Variants in EBF2 observed in about 807,000 individuals in gnomAD.
EBF2 encodes the protein transcription factor COE2.
Under a neutral mutation model 72.8 loss-of-function variants are expected in EBF2, and 21 were observed. The ratio of observed to expected loss-of-function variants is 0.29; its 90% CI spans 0.20 to 0.42. The LOEUF (loss-of-function observed/expected upper bound fraction) is 0.42, where lower values mean the gene tolerates loss of function less well. Among genes scored for constraint, EBF2 ranks in the 10% least tolerant of loss-of-function variants. The probability of loss-of-function intolerance (pLI) is 1.00; values close to 1 mark genes in which losing one functional copy is unlikely to be tolerated. For synonymous variants in EBF2, 299 were observed against 274.2 expected (o/e 1.09, Z -0.89); for missense variants, 637 against 731.2 (o/e 0.87, Z 1.49).
At chr8:25,915,685 G>A (rs917501588) in intron 6 of EBF2, among the ~76,000 whole-genome samples, 1 of 151,918 alleles carries the variant, frequency 6.6e-6, no homozygotes, top group Non-Finnish European at 1.5e-5. Context: ...CGATGGGAGG[G>A]AAAAAGCTGA....
At chr8:25,885,865 C>G (rs746464226) in intron 10 of EBF2, among the ~76,000 whole-genome samples, 6 of 152,158 alleles carry the variant, frequency 3.9e-5, no homozygotes, top group Non-Finnish European at 7.3e-5. Flanking sequence ...AGCATGAAAA[C>G]GGACTAATAC....
At chr8:25,891,009 C>T (rs1296906787) in intron 7 of EBF2, among the ~76,000 whole-genome samples, 1 of 152,204 alleles carries the variant, frequency 6.6e-6, no homozygotes. Context: ...ATTACTCACA[C>T]ACAGAGGTTC....
intron 10 of EBF2, among the ~76,000 whole-genome samples, chr8:25,879,015 A>G (rs935076019): frequency 2.0e-5 from 3 of 152,156 alleles, no homozygotes; most frequent in Non-Finnish European, 4.4e-5. Context: ...ATTTTAAATT[A>G]TTTAATTTTA....
intron 15 of EBF2, 134 bp from the exon 16 acceptor site, chr8:25,844,774 T>A: frequency 1.8e-6 from 2 of 1,113,942 alleles, no homozygotes; most frequent in African/African-American, 1.5e-5. Flanking sequence ...TCAGCTGATA[T>A]GAGGACCTGT....
Position 25,887,724 on chromosome 8 carries a change from C to T in EBF2, c.882+118G>A, listed in dbSNP as rs373126447. 8.2e-6 allele frequency: 10 copies of T among 1,214,748 alleles called. No individual in the cohort carries two copies. The African/African-American group carries it at 1.1e-4, about 13-fold the overall frequency. 75.2% of individuals were successfully genotyped at this position (1,214,748 alleles called of 1,614,324 possible). On this transcript the variant is annotated intron_variant, in intron 9 of 15. Coordinates refer to ENST00000520164, the MANE Select transcript of EBF2 (RefSeq NM_022659.4). ...TGGATACTTATCTTCTTAAGAAACC[C>T]ATGCCTGATTTACTATGACTTTTAT...
chr8:26,034,805 A>G (rs1016971958), intron 5 of EBF2, among the ~76,000 whole-genome samples: 2 of 152,186 alleles, frequency 1.3e-5, no homozygotes, highest in South Asian at 2.1e-4. Context: ...ACCAAACTCT[A>G]TGTGAACACT....
At chr8:26,027,538 C>T (rs1308411439) in intron 6 of EBF2, among the ~76,000 whole-genome samples, 1 of 46 alleles carries the variant, frequency 0.022, no homozygotes. Flanking sequence ...GGAAGCCTTG[C>T]TTGTGCTTAT....
rs1327682257 is a variant in EBF2 at position 25,991,077 on chromosome 8, A to C, written c.551+42008T>G. ...CAGTTTTCTCATCCAAGGATCTCGA[A>C]GCAATTTCTTGCAAAACTCGAGTAG... On this transcript the variant is annotated intron_variant, in intron 6 of 15. Coordinates refer to ENST00000520164, the MANE Select transcript of EBF2 (RefSeq NM_022659.4). Among the ~76,000 whole-genome samples, 4 of 152,154 alleles carry C rather than the reference A, an allele frequency of 2.6e-5. No individual in the cohort carries two copies. The East Asian group carries it at 7.7e-4, about 29-fold the overall frequency.
chr8:25,973,242 C>T (rs1804218911), intron 6 of EBF2, among the ~76,000 whole-genome samples: 1 of 152,112 alleles, frequency 6.6e-6, no homozygotes, highest in South Asian at 2.1e-4. Flanking sequence ...AAATAAAAAG[C>T]TAACATTAAG....
intron 6 of EBF2, among the ~76,000 whole-genome samples, chr8:25,987,674 G>T (rs1451657325): frequency 5.3e-5 from 8 of 152,036 alleles, no homozygotes; most frequent in Admixed American, 5.2e-4. Context: ...CCAGAACCCA[G>T]GTCTCCTAAC....
Position 26,045,005 on chromosome 8 carries a change from A to G in EBF2, c.-146T>C, listed in dbSNP as rs1191923981. The G allele has an allele frequency of 1.1e-6, 1 of 880,430 alleles. No homozygotes were observed. Among genetic ancestry groups the G allele is most frequent in the Non-Finnish European group, 1.7e-6 (1 of 594,872 alleles). The allele number at this position is 880,430 out of a possible 1,614,324, so 54.5% of individuals were successfully genotyped here. A position where few individuals can be genotyped will look rare whatever the true frequency, so the allele number is the denominator to read the frequency against. On this transcript the variant is annotated 5_prime_UTR_variant, in exon 1 of 16. Transcript: ENST00000520164. ...CCCAAGTTTGAGTCTTAGAAAAAAA[A>G]AAAAGATAACCCGTCCTTTGCTTCA...
At chr8:25,966,387 C>A (rs1804115766) in intron 6 of EBF2, among the ~76,000 whole-genome samples, 1 of 152,216 alleles carries the variant, frequency 6.6e-6, no homozygotes, top group African/African-American at 2.4e-5. Context: ...CCATCCCAAG[C>A]CTGTTCCTAG....
intron 6 of EBF2, among the ~76,000 whole-genome samples, chr8:25,911,418 G>A (rs139769447): frequency 1.4e-3 from 214 of 152,260 alleles, no homozygotes; most frequent in African/African-American, 4.8e-3. Context: ...ACAGGATGAA[G>A]AGGATCGGAA....
At chr8:26,019,296 C>CAAAA (rs10644837) in intron 6 of EBF2, among the ~76,000 whole-genome samples, 3 of 137,206 alleles carry the variant, frequency 2.2e-5, no homozygotes, top group African/African-American at 7.9e-5. Context: ...CTGTAAAACT[C>CAAAA]AAAAAAAAAA....
At chr8:25,907,522 A>G (rs924017802) in intron 7 of EBF2, among the ~76,000 whole-genome samples, 13 of 150,470 alleles carry the variant, frequency 8.6e-5, no homozygotes, top group African/African-American at 2.9e-4. Flanking sequence ...GCATGCCCAC[A>G]GTGTGCTGGA....
At chr8:26,041,122 C>CGT in intron 2 of EBF2, 120 bp from the exon 3 acceptor site, 2 of 1,164,764 alleles carry the variant, frequency 1.7e-6, no homozygotes, top group Non-Finnish European at 2.5e-6. Flanking sequence ...CTTTGAGTAA[C>CGT]CCCCTGTTCA....
chr8:25,930,687 T>A (rs1803464984), intron 6 of EBF2, among the ~76,000 whole-genome samples: 1 of 152,242 alleles, frequency 6.6e-6, no homozygotes, highest in Non-Finnish European at 1.5e-5. Flanking sequence ...AACCTCTTTC[T>A]GTTGCTCAAT....
chr8:25,946,268 G>A (rs143188902), intron 6 of EBF2, among the ~76,000 whole-genome samples: 109 of 151,306 alleles, frequency 7.2e-4, no homozygotes, highest in Non-Finnish European at 1.4e-3. Flanking sequence ...CAGATAAGCA[G>A]GCCAAGGAGT....
At chr8:25,926,077 T>G (rs767797299) in intron 6 of EBF2, among the ~76,000 whole-genome samples, 20 of 152,092 alleles carry the variant, frequency 1.3e-4, no homozygotes, top group Non-Finnish European at 2.6e-4. Context: ...CTCAAACACG[T>G]GGTCAGCTCG....
Sources: gnomAD v4.1 joint callset for allele counts (sites outside exome capture counted in the v4.1 genomes callset) on GRCh38, gnomAD v4.1.1 for gene constraint, MANE v1.5 for transcripts, NCBI Gene and HGNC (gene_info 2026-07-23, HGNC 2026-07-21) for gene names.